CCNK: variants seen among roughly 807,000 people sequenced by gnomAD.
CCNK encodes the protein cyclin-K.
CCNK carries 9 observed loss-of-function variants against 65.0 expected under a neutral mutation model. The observed-to-expected ratio is 0.14, with a 90% CI of 0.08 to 0.24. The LOEUF is 0.24. Among genes scored for constraint, CCNK ranks in the 10% least tolerant of loss-of-function variants. The pLI is 1.00. For missense variants in CCNK, 474 were observed against 720.0 expected, an observed-to-expected ratio of 0.66 and a Z score of 3.91; for synonymous variants, 279 against 270.8, an observed-to-expected ratio of 1.03 and a Z score of -0.30.
rs377647054 is a variant in CCNK at position 99,503,003 on chromosome 14, G to A, written c.1011+19G>A. 1.2e-6 allele frequency: 2 copies of A among 1,613,808 alleles called. No individual in the cohort carries two copies. Among genetic ancestry groups the A allele is most frequent in the Admixed American group, 1.7e-5 (1 of 60,018 alleles). On this transcript the variant is annotated intron_variant, in intron 8 of 10. Coordinates refer to ENST00000389879, the MANE Select transcript of CCNK (RefSeq NM_001099402.2). ...AGCCGTGGTGAGTGGGCTAAAGCAG[G>A]CCCTGGGTAGAGCAGGCTTTCCAGG... is the stretch of plus-strand genomic sequence containing the variant.
Position 99,495,513 on chromosome 14 carries a change from T to A in CCNK, c.295T>A (p.Cys99Ser). 1 of 1,612,098 alleles carries A rather than the reference T, an allele frequency of 6.2e-7. No homozygotes were observed. Residue 99 changes from cysteine to serine, a missense_variant, in exon 4 of 11, where the codon TGC becomes AGC. Transcript: ENST00000389879. Reference protein sequence around the residue: ...QFPRYVTGACCLFLAGKVEET... With the variant: ...QFPRYVTGACSLFLAGKVEET... ...TCCCTTTTAGGTGACAGGAGCCTGT[T>A]GCCTCTTTCTGGCTGGGAAAGTAGA...
chr14:99,502,284 G>C lies in CCNK; in HGVS notation c.653G>C (p.Cys218Ser). 6.2e-7 allele frequency: 1 copy of C among 1,611,404 alleles called. No homozygotes were observed. The highest frequency in any genetic ancestry group is 8.5e-7 in the Non-Finnish European group (1 of 1,178,814). ...GTGATGTATCTCGCAGGACGTTTGT[G>C]CAAATTTGAAATACAAGAATGGACC... Reference protein sequence around the residue: ...VAVMYLAGRLCKFEIQEWTSK... With the variant: ...VAVMYLAGRLSKFEIQEWTSK... The change falls in exon 7 of 11, where the codon TGC becomes TCC. Residue 218 changes from cysteine to serine, a missense_variant. Cys to Ser is a moderately radical substitution (Grantham distance 112, BLOSUM62 -1). This residue lies in a region of CCNK where 67 missense variants were observed against 150.2 expected (regional missense o/e 0.45). Transcript: ENST00000389879.
chr14:99,501,018 T>C, intron 5 of CCNK, 147 bp downstream of exon 5: 1 of 634,804 alleles, frequency 1.6e-6, no homozygotes, highest in Non-Finnish European at 2.8e-6. Flanking sequence ...CAATTCAGCA[T>C]TGCAGCTGCT....
Position 99,502,888 on chromosome 14 carries a change from G to A in CCNK, c.915G>A (p.Lys305=). 1 of 1,613,314 alleles carries A rather than the reference G, an allele frequency of 6.2e-7. No individual in the cohort carries two copies. The highest frequency in any genetic ancestry group is 8.5e-7 in the Non-Finnish European group (1 of 1,179,578). ...QSSEPSQPQQ[K]DPQQPAQQQQ... ...CCGAACCATCCCAGCCCCAGCAGAA[G>A]GACCCCCAGCAACCAGCCCAGCAGC... Residue 305 remains lysine (K), a synonymous_variant, in exon 8 of 11, where the codon AAG becomes AAA. Transcript: ENST00000389879.
At chr14:99,507,233 G>A in intron 10 of CCNK, 86 bp downstream of exon 10, 1 of 846,270 alleles carries the variant, frequency 1.2e-6, no homozygotes, top group South Asian at 1.3e-5. Flanking sequence ...TTAGAAAAGG[G>A]AGACTGGGGC....
intron 3 of CCNK, chr14:99,495,269 C>CTT: frequency 3.9e-6 from 1 of 258,868 alleles, no homozygotes. Flanking sequence ...GTTTACATGA[C>CTT]TTTTTTTTTA....
chr14:99,500,732 A>T, intron 4 of CCNK, 34 bp from the exon 5 acceptor site: 1 of 1,328,214 alleles, frequency 7.5e-7, no homozygotes, highest in Non-Finnish European at 1.1e-6. Flanking sequence ...CTGCAATTGT[A>T]ATTACTGTCC....
intron 3 of CCNK, chr14:99,495,288 A>G (rs1896677293): frequency 7.0e-6 from 2 of 285,888 alleles, no homozygotes; most frequent in Non-Finnish European, 6.4e-6. Context: ...TAAGAAAGTT[A>G]AATTTTAAAT....
At chr14:99,482,264 G>A (rs1896357838) in intron 1 of CCNK, among the ~76,000 whole-genome samples, 1 of 152,224 alleles carries the variant, frequency 6.6e-6, no homozygotes, top group Non-Finnish European at 1.5e-5. Flanking sequence ...ACTTGGTGAT[G>A]TTTGTGTATC....
chr14:99,510,491 G>C lies in CCNK; in HGVS notation c.1452G>C (p.Pro484=). ...ATGTCTACCCGCCCAACCCGCCCCCGCCACCTGTGCCTCCTCCCCCAGCCT... is the reference window on the plus strand; with the variant it reads ...ATGTCTACCCGCCCAACCCGCCCCCCCCACCTGTGCCTCCTCCCCCAGCCT... ...HPHVYPPNPP[P]PPVPPPPASF... Residue 484 remains proline, a synonymous_variant, in exon 11 of 11, where the codon CCG becomes CCC. Transcript: ENST00000389879. 1 of 522,464 alleles carries C rather than the reference G, an allele frequency of 1.9e-6. No individual in the cohort carries two copies. Among genetic ancestry groups the C allele is most frequent in the Non-Finnish European group, 2.6e-6 (1 of 381,280 alleles). The allele number at this position is 522,464 out of a possible 1,614,324, so 32.4% of individuals were successfully genotyped here.
At chr14:99,484,589 A>G (rs1442181174) in intron 1 of CCNK, among the ~76,000 whole-genome samples, 4 of 152,262 alleles carry the variant, frequency 2.6e-5, no homozygotes, top group African/African-American at 4.8e-5. Flanking sequence ...AAGAGTCGCT[A>G]AAAGGTAGAT....
At chr14:99,503,802 C>T in intron 9 of CCNK, 158 bp downstream of exon 9, 2 of 623,506 alleles carry the variant, frequency 3.2e-6, no homozygotes, top group East Asian at 5.5e-5. Context: ...TTCTGTTCAT[C>T]ACCTGATCAT....
At chr14:99,498,197 C>T (rs1896741792) in intron 4 of CCNK, among the ~76,000 whole-genome samples, 1 of 152,118 alleles carries the variant, frequency 6.6e-6, no homozygotes, top group Non-Finnish European at 1.5e-5. Flanking sequence ...TTACTTTTAG[C>T]CTTTACCCAC....
intron 3 of CCNK, chr14:99,494,378 C>T (rs1227534889): frequency 3.3e-5 from 5 of 152,184 alleles, no homozygotes; most frequent in Non-Finnish European, 5.9e-5. Context: ...AATTTGGCTT[C>T]AGTGGGTGAA....
intron 8 of CCNK, 54 bp from the exon 9 acceptor site, chr14:99,503,557 T>C (rs1045402449): frequency 5.7e-5 from 84 of 1,477,898 alleles, no homozygotes; most frequent in Non-Finnish European, 7.5e-5. Flanking sequence ...ATCCATTTTT[T>C]TCTCATCATA....
At chr14:99,496,357 C>T (rs1036263858) in intron 4 of CCNK, among the ~76,000 whole-genome samples, 10 of 152,148 alleles carry the variant, frequency 6.6e-5, no homozygotes, top group Non-Finnish European at 1.2e-4. Context: ...GGGCAGATTG[C>T]TTGAGCCCAG....
At chr14:99,490,372 TA>T (rs1896572962) in intron 1 of CCNK, among the ~76,000 whole-genome samples, 1 of 152,236 alleles carries the variant, frequency 6.6e-6, no homozygotes, top group Admixed American at 6.5e-5. Context: ...ATACCAAAGT[TA>T]ATTTCTTTTT....
chr14:99,507,312 T>C, intron 10 of CCNK, 165 bp downstream of exon 10: 1 of 643,488 alleles, frequency 1.6e-6, no homozygotes, highest in Non-Finnish European at 2.8e-6. Flanking sequence ...CACAATGGCT[T>C]GTGTTTTTGA....
chr14:99,495,819 A>T (rs528935102), intron 4 of CCNK, among the ~76,000 whole-genome samples, 190 bp downstream of exon 4: 3 of 152,184 alleles, frequency 2.0e-5, no homozygotes, highest in Non-Finnish European at 4.4e-5. Flanking sequence ...ACACTTACTC[A>T]GTGCTTCCTT....
Sources: allele counts gnomAD v4.1 joint callset (sites outside exome capture counted in the v4.1 genomes callset), GRCh38; gene constraint gnomAD v4.1.1; regional missense constraint gnomAD v4.1.1; transcripts MANE v1.5; gene names NCBI Gene and HGNC (gene_info 2026-07-23, HGNC 2026-07-21).